D2HGDH: variants seen among roughly 807,000 people sequenced by gnomAD.
D2HGDH encodes the protein D-2-hydroxyglutarate dehydrogenase, mitochondrial.
D2HGDH carries 31 observed loss-of-function variants against 46.9 expected under a neutral mutation model. That is an observed-to-expected ratio of 0.66 (90% CI 0.50 to 0.89). The LOEUF is 0.89. D2HGDH is among the 40% of genes least tolerant of loss of function. D2HGDH has a pLI of 0.00. For synonymous variants in D2HGDH, 364 were observed against 332.6 expected (o/e 1.09, Z -1.03); for missense variants, 698 against 720.8 (o/e 0.97, Z 0.36).
intron 5 of D2HGDH, 143 bp from the exon 6 acceptor site, chr2:241,744,566 G>A: frequency 9.7e-7 from 1 of 1,027,394 alleles, no homozygotes; most frequent in Non-Finnish European, 1.5e-6. Flanking sequence ...TGTGGAGGGT[G>A]TCACTCGTAC....
At chr2:241,749,373 C>T (rs1393872228) in intron 6 of D2HGDH, 15 of 1,281,162 alleles carry the variant, frequency 1.2e-5, no homozygotes, top group Non-Finnish European at 1.4e-5. Context: ...CATGCCTTTG[C>T]ATTGCCTCCC....
chr2:241,753,722 C>T (rs894899787), intron 8 of D2HGDH, among the ~76,000 whole-genome samples: 2 of 152,262 alleles, frequency 1.3e-5, no homozygotes, highest in African/African-American at 2.4e-5. Context: ...GTGACCACGG[C>T]GGGTCTCATT....
At chr2:241,739,262 G>A (rs1458169539) in intron 2 of D2HGDH, among the ~76,000 whole-genome samples, 2 of 152,344 alleles carry the variant, frequency 1.3e-5, no homozygotes, top group Middle Eastern at 3.4e-3. Flanking sequence ...GCATTCTTGG[G>A]GGGTACTCAT....
chr2:241,768,701 A>T lies in D2HGDH; in HGVS notation c.*732A>T, dbSNP rs1303767431. On this transcript the variant is annotated 3_prime_UTR_variant, in exon 10 of 10. Transcript: ENST00000321264. Reference sequence around the variant, plus strand: ...CCGGCACGGACAAGGGCCACTGCAGAGTGTGTTTCTGCTCGTCAGCTGCCC... The same window carrying T: ...CCGGCACGGACAAGGGCCACTGCAGTGTGTGTTTCTGCTCGTCAGCTGCCC... 6.6e-6 allele frequency: 1 copy of T among 152,124 alleles called. No individual in the cohort carries two copies. Among genetic ancestry groups the T allele is most frequent in the African/African-American group, 2.4e-5 (1 of 41,376 alleles). The allele number at this position is 152,124 out of a possible 1,614,324, so 9.4% of individuals were successfully genotyped here.
chr2:241,754,857 C>A, intron 8 of D2HGDH: 2 of 452,826 alleles, frequency 4.4e-6, no homozygotes, highest in Non-Finnish European at 3.6e-6. Context: ...CCTGCCTCAG[C>A]CTCCCAAAGC....
At chr2:241,764,480 A>T (rs1699101587) in intron 9 of D2HGDH, among the ~76,000 whole-genome samples, 1 of 152,214 alleles carries the variant, frequency 6.6e-6, no homozygotes, top group Non-Finnish European at 1.5e-5. Context: ...GGGATGTCAC[A>T]TGACAGGACA....
At position 241,762,450 on chromosome 2, in the gene D2HGDH, G is replaced by A. The variant is rs141793132; in HGVS notation, c.1307-5260G>A. Among the ~76,000 whole-genome samples the A allele has an allele frequency of 8.3e-3, 1,269 of 152,226 alleles. 14 individuals are homozygous for A. The highest frequency in any genetic ancestry group is 0.026 in the African/African-American group (1,096 of 41,528). On this transcript the variant is annotated intron_variant, in intron 9 of 9. Coordinates refer to ENST00000321264, the MANE Select transcript of D2HGDH (RefSeq NM_152783.5). Reference sequence around the variant, plus strand: ...TTTCACTCTGGTTTGGCCGGGAGTCGGCCAGATGAGTGTTTGTTTACCTGC... The same window carrying A: ...TTTCACTCTGGTTTGGCCGGGAGTCAGCCAGATGAGTGTTTGTTTACCTGC...
At chr2:241,755,512 C>T in intron 8 of D2HGDH, 1 of 1,357,656 alleles carries the variant, frequency 7.4e-7, no homozygotes, top group Non-Finnish European at 9.8e-7. Context: ...GGCTGTCCCC[C>T]TTCTGTGAGG....
chr2:241,746,252 C>G (rs925677834), intron 6 of D2HGDH, among the ~76,000 whole-genome samples: 17 of 152,158 alleles, frequency 1.1e-4, no homozygotes, highest in African/African-American at 3.9e-4. Context: ...GTGCTGCATT[C>G]TGTGTGATTT....
intron 9 of D2HGDH, among the ~76,000 whole-genome samples, chr2:241,760,834 G>A (rs1698737231): frequency 6.6e-6 from 1 of 152,270 alleles, no homozygotes; most frequent in Non-Finnish European, 1.5e-5. Flanking sequence ...CTGGACTTCA[G>A]ATTTTAGACT....
intron 9 of D2HGDH, among the ~76,000 whole-genome samples, chr2:241,761,192 A>G (rs1039826045): frequency 8.5e-5 from 13 of 152,230 alleles, no homozygotes; most frequent in African/African-American, 2.9e-4. Flanking sequence ...ACAGTGACAG[A>G]CACAGCATTT....
chr2:241,734,855 CA>C (rs1260087778), intron 1 of D2HGDH, 160 bp downstream of exon 1: 6 of 115,664 alleles, frequency 5.2e-5, no homozygotes, highest in Non-Finnish European at 9.4e-5. Flanking sequence ...CCGCGTGGAA[CA>C]CGCGCGCGCG....
chr2:241,735,108 T>C (rs2124991341), intron 1 of D2HGDH, 25 bp from the exon 2 acceptor site: 2 of 1,123,366 alleles, frequency 1.8e-6, no homozygotes, highest in East Asian at 6.0e-5. Flanking sequence ...GCATAAAACA[T>C]GAAATTACCC....
intron 8 of D2HGDH, among the ~76,000 whole-genome samples, chr2:241,753,066 A>G (rs1055704510): frequency 1.4e-4 from 21 of 152,142 alleles, no homozygotes; most frequent in Non-Finnish European, 2.2e-4. Flanking sequence ...TGACCAGGAC[A>G]GGGCCGAATG....
intron 7 of D2HGDH, 112 bp downstream of exon 7, chr2:241,750,406 TG>T (rs1319801451): frequency 1.7e-5 from 3 of 176,226 alleles, no homozygotes; most frequent in Non-Finnish European, 1.1e-5. Flanking sequence ...GGCGGGCGGG[TG>T]GGGGGTCCCT....
chr2:241,755,190 G>A lies in D2HGDH; in HGVS notation c.1141-659G>A, dbSNP rs1215859589. 1.1e-5 allele frequency: 14 copies of A among 1,289,474 alleles called. No individual in the cohort carries two copies. The African/African-American group carries it at 1.1e-4, about 10-fold the overall frequency. The allele number at this position is 1,289,474 out of a possible 1,614,324, so 79.9% of individuals were successfully genotyped here. The stretch of plus-strand genomic sequence containing the variant: ...ATCCTTCCTCCCCCGTGGCCCGCCC[G>A]CCGTGTCCCTCCTCCTCCACGGCCC... On this transcript the variant is annotated intron_variant, in intron 8 of 9. Coordinates refer to ENST00000321264, the MANE Select transcript of D2HGDH (RefSeq NM_152783.5).
rs776207179 is a variant in D2HGDH at position 241,767,698 on chromosome 2, T to C, written c.1307-12T>C. The C allele has an allele frequency of 6.2e-7, 1 of 1,612,498 alleles. No individual in the cohort carries two copies. Among genetic ancestry groups the C allele is most frequent in the South Asian group, 1.1e-5 (1 of 91,060 alleles). Reference sequence around the variant, plus strand: ...CCTGCCCAGCCTGACCCATGTGCCCTTGTCCCTCCAGGAGATGGTAACCTG... The same window carrying C: ...CCTGCCCAGCCTGACCCATGTGCCCCTGTCCCTCCAGGAGATGGTAACCTG... On this transcript the variant is annotated splice_polypyrimidine_tract_variant and intron_variant, in intron 9 of 9. Coordinates refer to ENST00000321264, the MANE Select transcript of D2HGDH (RefSeq NM_152783.5).
At chr2:241,753,391 C>A (rs887054264) in intron 8 of D2HGDH, among the ~76,000 whole-genome samples, 1 of 139,116 alleles carries the variant, frequency 7.2e-6, no homozygotes, top group Non-Finnish European at 1.5e-5. Context: ...CTGGGCAGGT[C>A]CTGAGGCTTT....
rs911486934 is a variant in D2HGDH, at chr2:241,755,217, C to G, written c.1141-632C>G. ...CGTGTCCCTCCTCCTCCACGGCCCGCCCACCGTGTCCTTCCCTCCCCCGTG... is the reference window on the plus strand; with the variant it reads ...CGTGTCCCTCCTCCTCCACGGCCCGGCCACCGTGTCCTTCCCTCCCCCGTG... On this transcript the variant is annotated intron_variant, in intron 8 of 9. Coordinates refer to ENST00000321264, the MANE Select transcript of D2HGDH (RefSeq NM_152783.5). 31 of 1,290,816 alleles carry G rather than the reference C, an allele frequency of 2.4e-5. No individual in the cohort carries two copies. In the African/African-American group the frequency reaches 4.6e-4, roughly 19 times the overall value. The allele number at this position is 1,290,816 out of a possible 1,614,324, so 80.0% of individuals were successfully genotyped here.
Sources: gnomAD v4.1 joint callset for allele counts (sites outside exome capture counted in the v4.1 genomes callset) on GRCh38, gnomAD v4.1.1 for gene constraint, MANE v1.5 for transcripts, NCBI Gene and HGNC (gene_info 2026-07-23, HGNC 2026-07-21) for gene names.